PI4KA: variants seen among roughly 807,000 people sequenced by gnomAD.
PI4KA encodes the protein PI4-kinase alpha.
A neutral mutation model predicts 271.4 loss-of-function variants in PI4KA; 122 were observed. The ratio of observed to expected loss-of-function variants is 0.45; its 90% CI spans 0.39 to 0.52. The LOEUF (loss-of-function observed/expected upper bound fraction) is 0.52, where lower values mean the gene tolerates loss of function less well. PI4KA is among the 20% of genes least tolerant of loss of function. The probability of loss-of-function intolerance (pLI) is 0.00; values close to 1 mark genes in which losing one functional copy is unlikely to be tolerated. For synonymous variants in PI4KA, 1,041 were observed against 1,078.8 expected, an observed-to-expected ratio of 0.96 and a Z score of 0.69; for missense variants, 1,969 against 2,769.1, an observed-to-expected ratio of 0.71 and a Z score of 6.48.
intron 23 of PI4KA, among the ~76,000 whole-genome samples, chr22:20,756,842 C>G (rs5760396): frequency 5.3e-5 from 8 of 152,162 alleles, no homozygotes; most frequent in African/African-American, 1.9e-4. Context: ...GTTGGCCAGG[C>G]TGGTCTCAAA....
chr22:20,717,127 T>C (rs927620722), intron 45 of PI4KA, among the ~76,000 whole-genome samples: 15 of 152,028 alleles, frequency 9.9e-5, no homozygotes, highest in African/African-American at 3.6e-4. Flanking sequence ...GTGCCTGCAG[T>C]CCCAGCTACT....
intron 3 of PI4KA, among the ~76,000 whole-genome samples, chr22:20,834,002 C>T (rs2147760114): frequency 6.6e-6 from 1 of 152,190 alleles, no homozygotes; most frequent in Non-Finnish European, 1.5e-5. Flanking sequence ...AATCTGCCCA[C>T]CTCGGCCTCC....
At chr22:20,808,503 T>C (rs1210727530) in intron 9 of PI4KA, among the ~76,000 whole-genome samples, 5 of 128,006 alleles carry the variant, frequency 3.9e-5, no homozygotes. Context: ...TGAGGCAGAA[T>C]TGCTTTGACC....
chr22:20,735,014 C>T lies in PI4KA; in HGVS notation c.3742-461G>A, dbSNP rs528749680. Among the ~76,000 whole-genome samples, 3 of 152,294 alleles carry T rather than the reference C, an allele frequency of 2.0e-5. No homozygotes were observed. The East Asian group carries it at 5.8e-4, about 29-fold the overall frequency. ...CAGACCCTACCTGATGCCTTCATCC[C>T]GCTAACCAGATTAGGAAAGGCCCAT... On this transcript the variant is annotated intron_variant, in intron 32 of 54. Coordinates refer to ENST00000255882, the MANE Select transcript of PI4KA (RefSeq NM_058004.4).
chr22:20,768,245 A>AT (rs753504145), intron 19 of PI4KA, among the ~76,000 whole-genome samples: 1 of 151,560 alleles, frequency 6.6e-6, no homozygotes, highest in Non-Finnish European at 1.5e-5. Context: ...GACTTTTTAC[A>AT]TTTTTTTGTA....
At chr22:20,852,667 G>A (rs1277786776) in intron 1 of PI4KA, among the ~76,000 whole-genome samples, 5 of 151,992 alleles carry the variant, frequency 3.3e-5, no homozygotes, top group South Asian at 2.1e-4. Flanking sequence ...CTCGCTCTAC[G>A]GATGGCTCTT....
At chr22:20,828,336 T>A (rs1247380437) in intron 3 of PI4KA, among the ~76,000 whole-genome samples, 1 of 152,218 alleles carries the variant, frequency 6.6e-6, no homozygotes, top group Non-Finnish European at 1.5e-5. Context: ...CCTATCTGGA[T>A]GCCTTTTATT....
At chr22:20,787,887 G>A (rs1934372148) in intron 19 of PI4KA, among the ~76,000 whole-genome samples, 1 of 152,196 alleles carries the variant, frequency 6.6e-6, no homozygotes, top group African/African-American at 2.4e-5. Flanking sequence ...TGAATCCTGG[G>A]GAGGGTCTGT....
At chr22:20,779,033 A>G in intron 19 of PI4KA, 1 of 639,898 alleles carries the variant, frequency 1.6e-6, no homozygotes, top group Non-Finnish European at 2.4e-6. Flanking sequence ...AGGATTCTAG[A>G]AGGTTAGTTT....
intron 3 of PI4KA, among the ~76,000 whole-genome samples, chr22:20,831,429 T>C (rs1486770075): frequency 6.6e-6 from 1 of 151,926 alleles, no homozygotes; most frequent in Admixed American, 6.6e-5. Flanking sequence ...TAGCTGGGCA[T>C]GGTGGTGTGT....
chr22:20,836,094 C>CA (rs1238817630), intron 2 of PI4KA, among the ~76,000 whole-genome samples: 5 of 150,634 alleles, frequency 3.3e-5, no homozygotes, highest in East Asian at 1.9e-4. Flanking sequence ...CAAAAAACAA[C>CA]AAAAAAACAT....
At chr22:20,839,963 T>G (rs552414658) in intron 1 of PI4KA, among the ~76,000 whole-genome samples, 2 of 152,228 alleles carry the variant, frequency 1.3e-5, no homozygotes, top group South Asian at 4.2e-4. Context: ...GACAATGAGA[T>G]TCAAAGAATG....
chr22:20,844,472 T>A (rs999336130), intron 1 of PI4KA, among the ~76,000 whole-genome samples: 3 of 152,208 alleles, frequency 2.0e-5, no homozygotes, highest in Admixed American at 2.0e-4. Context: ...AATGAAGTAA[T>A]ATATAATGTA....
At chr22:20,741,889 C>T (rs949551742) in intron 32 of PI4KA, among the ~76,000 whole-genome samples, 7 of 152,116 alleles carry the variant, frequency 4.6e-5, no homozygotes, top group African/African-American at 1.7e-4. Flanking sequence ...AAGATTAGGT[C>T]AAGAAAAACA....
chr22:20,826,161 G>A lies in PI4KA; in HGVS notation c.368-1747C>T, dbSNP rs948024283. On this transcript the variant is annotated intron_variant, in intron 3 of 54. Transcript: ENST00000255882. ...AGTTCGAGACCAGCCTAGCCAACAC[G>A]GCAAAACTCCATCTCCACTATAAAT... Among the ~76,000 whole-genome samples, 83 of 152,146 alleles carry A rather than the reference G, an allele frequency of 5.5e-4. 2 individuals carry two copies. The highest frequency in any genetic ancestry group is 2.5e-4 in the Non-Finnish European group (17 of 68,008).
intron 19 of PI4KA, chr22:20,784,344 G>A (rs756898533): frequency 2.6e-6 from 4 of 1,521,334 alleles, no homozygotes; most frequent in Non-Finnish European, 3.6e-6. Context: ...GGAGAATTAT[G>A]TACAAGTACC....
chr22:20,780,788 A>G lies in PI4KA; in HGVS notation c.2328+12405T>C, dbSNP rs1176395546. Among the ~76,000 whole-genome samples, 7 of 151,452 alleles carry G rather than the reference A, an allele frequency of 4.6e-5. No individual in the cohort carries two copies. In the East Asian group the frequency reaches 1.4e-3, roughly 29 times the overall value. On this transcript the variant is annotated intron_variant, in intron 19 of 54. Coordinates refer to ENST00000255882, the MANE Select transcript of PI4KA (RefSeq NM_058004.4). Reference sequence around the variant, plus strand: ...GAGACTCCATCTCAAAAAAAAAAAAAAAAGAAGTAAAACGATGCTCCAAGG... The same window carrying G: ...GAGACTCCATCTCAAAAAAAAAAAAGAAAGAAGTAAAACGATGCTCCAAGG...
At chr22:20,839,972 T>G (rs1032324941) in intron 1 of PI4KA, among the ~76,000 whole-genome samples, 1 of 152,172 alleles carries the variant, frequency 6.6e-6, no homozygotes, top group Non-Finnish European at 1.5e-5. Context: ...ATTCAAAGAA[T>G]GCTGATTAAT....
At chr22:20,832,577 G>A (rs165844) in intron 3 of PI4KA, among the ~76,000 whole-genome samples, 1 of 151,774 alleles carries the variant, frequency 6.6e-6, no homozygotes, top group Non-Finnish European at 1.5e-5. Context: ...CCTCAGCCAC[G>A]CAAGTAGCTG....
Sources: allele counts gnomAD v4.1 joint callset (sites outside exome capture counted in the v4.1 genomes callset), GRCh38; gene constraint gnomAD v4.1.1; transcripts MANE v1.5; gene names NCBI Gene and HGNC (gene_info 2026-07-23, HGNC 2026-07-21).